TLK2: variants seen among roughly 807,000 people sequenced by gnomAD.
TLK2 encodes the protein tousled like kinase 2.
In TLK2, 6 loss-of-function variants were observed where a neutral mutation model predicts 117.3. The ratio of observed to expected loss-of-function variants is 0.05; its 90% CI spans 0.03 to 0.10. The LOEUF (loss-of-function observed/expected upper bound fraction) is 0.10, where lower values mean the gene tolerates loss of function less well. Ranked by LOEUF, TLK2 falls within the 10% of genes least tolerant of loss-of-function variation. The pLI is 1.00. For missense variants in TLK2, 299 were observed against 901.2 expected, an observed-to-expected ratio of 0.33 and a Z score of 8.56; for synonymous variants, 257 against 316.7, an observed-to-expected ratio of 0.81 and a Z score of 2.00.
intron 1 of TLK2, among the ~76,000 whole-genome samples, chr17:62,471,338 T>C (rs944315360): frequency 1.6e-4 from 24 of 152,204 alleles, no homozygotes; most frequent in African/African-American, 5.8e-4. Context: ...GTAGACCGAA[T>C]GATTGACAGT....
chr17:62,545,908 T>G (rs1475614764), intron 7 of TLK2, among the ~76,000 whole-genome samples: 1 of 151,414 alleles, frequency 6.6e-6, no homozygotes, highest in Non-Finnish European at 1.5e-5. Context: ...TTGAGCAAAG[T>G]CTTCCTTTGC....
chr17:62,576,300 A>G (rs2080781630), intron 12 of TLK2, among the ~76,000 whole-genome samples: 1 of 152,190 alleles, frequency 6.6e-6, no homozygotes, highest in South Asian at 2.1e-4. Flanking sequence ...TCTCTTTGTT[A>G]TTACAGTATC....
chr17:62,565,510 AG>A (rs2079692609), intron 11 of TLK2, among the ~76,000 whole-genome samples: 1 of 151,984 alleles, frequency 6.6e-6, no homozygotes, highest in Non-Finnish European at 1.5e-5. Flanking sequence ...AAAATTAGCC[AG>A]GCGTGGTGGC....
chr17:62,516,692 C>A (rs1385417651), intron 2 of TLK2: 1 of 1,607,814 alleles, frequency 6.2e-7, no homozygotes, highest in African/African-American at 1.3e-5. Flanking sequence ...ATGTGGACAT[C>A]CTTCTTGGCC....
At chr17:62,485,530 C>T (rs182614715) in intron 2 of TLK2, among the ~76,000 whole-genome samples, 3 of 152,134 alleles carry the variant, frequency 2.0e-5, no homozygotes, top group African/African-American at 7.2e-5. Context: ...AATTTTCTTG[C>T]ATAGTGTGTT....
chr17:62,532,485 T>G (rs1343558243), intron 6 of TLK2, among the ~76,000 whole-genome samples: 1 of 152,206 alleles, frequency 6.6e-6, no homozygotes, highest in Non-Finnish European at 1.5e-5. Flanking sequence ...ATTCAAAAAC[T>G]AATTTCTTTG....
intron 6 of TLK2, among the ~76,000 whole-genome samples, chr17:62,535,417 A>G (rs2077043519): frequency 6.6e-6 from 1 of 152,174 alleles, no homozygotes; most frequent in Non-Finnish European, 1.5e-5. Flanking sequence ...AGATTTTTGC[A>G]TCTAAATATA....
At chr17:62,498,324 A>G (rs907682146) in intron 2 of TLK2, among the ~76,000 whole-genome samples, 2 of 152,090 alleles carry the variant, frequency 1.3e-5, no homozygotes, top group Non-Finnish European at 2.9e-5. Flanking sequence ...AGCACCATGT[A>G]ATGAATTAGA....
At chr17:62,589,066 GTGTT>G (rs1297905526) in intron 16 of TLK2, among the ~76,000 whole-genome samples, 1 of 152,014 alleles carries the variant, frequency 6.6e-6, no homozygotes, top group African/African-American at 2.4e-5. Flanking sequence ...AAAATAAAAG[GTGTT>G]TGTTTTGTTG....
intron 7 of TLK2, among the ~76,000 whole-genome samples, chr17:62,543,227 G>T (rs1179758392): frequency 6.6e-6 from 1 of 152,166 alleles, no homozygotes; most frequent in South Asian, 2.1e-4. Context: ...TTTGGTGCCA[G>T]TTGGTCACGG....
In TLK2 at chr17:62,600,790, C is replaced by T. The variant is rs1189601705; in HGVS notation, c.1690C>T (p.Pro564Ser). ...NALKYLNEIK[P>S]PIIHYDLKPG... is the part of the protein sequence containing the mutation. ...TTTAAAGTACTTAAATGAAATAAAA[C>T]CTCCCATCATACACTATGACCTCAA... Residue 564 changes from proline (P) to serine (S), a missense_variant, in exon 18 of 22, where the codon CCT (proline) becomes TCT (serine). Pro to Ser is a moderately conservative substitution (Grantham distance 74). Coordinates refer to ENST00000346027, the MANE Select transcript of TLK2 (RefSeq NM_006852.6). 6.2e-7 allele frequency: 1 copy of T among 1,612,870 alleles called. No individual in the cohort carries two copies. The highest frequency in any genetic ancestry group is 8.5e-7 in the Non-Finnish European group (1 of 1,179,586).
chr17:62,477,954 C>T (rs1338854237), upstream of TLK2: 2 of 152,174 alleles, frequency 1.3e-5, no homozygotes, highest in African/African-American at 4.8e-5. Flanking sequence ...GGAACCTCCC[C>T]CTGGGTGCCC....
At chr17:62,482,379 G>C (rs193047835) in intron 2 of TLK2, among the ~76,000 whole-genome samples, 3 of 151,934 alleles carry the variant, frequency 2.0e-5, no homozygotes, top group African/African-American at 7.2e-5. Flanking sequence ...GGCGTGTTGA[G>C]GTTTAGTTGG....
At chr17:62,546,344 G>GTTTTTTTTGTTTTT (rs1555628575) in intron 7 of TLK2, among the ~76,000 whole-genome samples, 1 of 23,346 alleles carries the variant, frequency 4.3e-5, no homozygotes, top group Non-Finnish European at 9.6e-5. Context: ...TTTGTTGATT[G>GTTTTTTTTGTTTTT]TTTTTTTTTT....
At chr17:62,478,644 G>A (rs1195828190), upstream of TLK2, among the ~76,000 whole-genome samples, 2 of 150,664 alleles carry the variant, frequency 1.3e-5, no homozygotes, top group African/African-American at 4.8e-5. Flanking sequence ...CCGGCAGCGC[G>A]GCCGCTGATT....
chr17:62,506,584 T>C (rs879080560), intron 2 of TLK2, among the ~76,000 whole-genome samples: 2 of 152,190 alleles, frequency 1.3e-5, no homozygotes, highest in East Asian at 1.9e-4. Context: ...ACTAAACTTA[T>C]TGGTCACTGA....
intron 2 of TLK2, among the ~76,000 whole-genome samples, chr17:62,485,070 G>C (rs978067190): frequency 6.6e-6 from 1 of 152,112 alleles, no homozygotes; most frequent in Non-Finnish European, 1.5e-5. Context: ...TCACTGTGTT[G>C]ATGACAGCTT....
Position 62,612,492 on chromosome 17 carries a change from T to C in TLK2, c.2180T>C (p.Val727Ala). ...TTGTTGCCTCACATCCGAAAGTCAGTCTCTACAAGTAGCCCTGCTGGAGCT... is the reference window on the plus strand; with the variant it reads ...TTGTTGCCTCACATCCGAAAGTCAGCCTCTACAAGTAGCCCTGCTGGAGCT... ...PYLLPHIRKS[V>A]STSSPAGAAI... The change falls in exon 22 of 22, where the codon GTC becomes GCC. Residue 727 changes from valine (V) to alanine (A), a missense_variant. Transcript: ENST00000346027. The C allele has an allele frequency of 6.2e-7, 1 of 1,614,160 alleles. No homozygotes were observed. Among genetic ancestry groups the C allele is most frequent in the Non-Finnish European group, 8.5e-7 (1 of 1,180,018 alleles).
chr17:62,487,345 A>G (rs1156385965), intron 2 of TLK2, among the ~76,000 whole-genome samples: 2 of 151,490 alleles, frequency 1.3e-5, no homozygotes, highest in Non-Finnish European at 2.9e-5. Context: ...ATTGTTTCCA[A>G]GAGAACTAAG....
Sources: gnomAD v4.1 joint callset for allele counts (sites outside exome capture counted in the v4.1 genomes callset) on GRCh38, gnomAD v4.1.1 for gene constraint, MANE v1.5 for transcripts, NCBI Gene and HGNC (gene_info 2026-07-23, HGNC 2026-07-21) for gene names.